CDH13: variants seen among roughly 807,000 people sequenced by gnomAD.
CDH13 encodes cadherin 13.
In CDH13, 24 loss-of-function variants were observed where a neutral mutation model predicts 63.8. The observed-to-expected ratio is 0.38, with a 90% CI of 0.27 to 0.53. CDH13 has a LOEUF of 0.53. Among genes scored for constraint, CDH13 ranks in the 20% least tolerant of loss-of-function variants. The probability of loss-of-function intolerance (pLI) is 0.85; values close to 1 mark genes in which losing one functional copy is unlikely to be tolerated. For synonymous variants in CDH13, 503 were observed against 355.3 expected (o/e 1.42, Z -4.67); for missense variants, 1,049 against 903.1 (o/e 1.16, Z -2.07).
At chr16:82,792,347 T>C (rs2036352813) in intron 1 of CDH13, among the ~76,000 whole-genome samples, 2 of 152,166 alleles carry the variant, frequency 1.3e-5, no homozygotes, top group Non-Finnish European at 2.9e-5. Flanking sequence ...CACACTAGCC[T>C]ACTATTTGAT....
chr16:82,719,961 T>A (rs943712854), intron 1 of CDH13, among the ~76,000 whole-genome samples: 2 of 152,108 alleles, frequency 1.3e-5, no homozygotes, highest in Admixed American at 6.6e-5. Context: ...AAAGCAATTT[T>A]ACTGTATGCT....
At chr16:82,852,815 G>C (rs184084578) in intron 1 of CDH13, among the ~76,000 whole-genome samples, 8 of 152,178 alleles carry the variant, frequency 5.3e-5, no homozygotes, top group Non-Finnish European at 1.0e-4. Flanking sequence ...CTTGATGACA[G>C]ACTTCTCTGG....
chr16:83,439,790 C>T (rs2072430310), intron 6 of CDH13, among the ~76,000 whole-genome samples: 1 of 152,198 alleles, frequency 6.6e-6, no homozygotes, highest in Non-Finnish European at 1.5e-5. Context: ...TGTCCCAGGC[C>T]AGCTCCTGGA....
At chr16:83,544,251 G>A (rs1008381408) in intron 7 of CDH13, among the ~76,000 whole-genome samples, 3 of 152,134 alleles carry the variant, frequency 2.0e-5, no homozygotes, top group African/African-American at 7.2e-5. Context: ...GAGTGTTAAA[G>A]TCCTAAATAA....
chr16:82,680,573 CTGAG>C (rs879414612), intron 1 of CDH13, among the ~76,000 whole-genome samples: 9 of 152,132 alleles, frequency 5.9e-5, no homozygotes, highest in Non-Finnish European at 1.2e-4. Context: ...GCTTCAGTGA[CTGAG>C]TGAGACATAA....
chr16:83,169,390 T>C (rs1321489710), intron 4 of CDH13, among the ~76,000 whole-genome samples: 1 of 152,026 alleles, frequency 6.6e-6, no homozygotes, highest in Admixed American at 6.6e-5. Flanking sequence ...TTGGCCAGGA[T>C]TGTCTTGATG....
chr16:83,648,928 G>T lies in CDH13; in HGVS notation c.1102-21862G>T, dbSNP rs1912097122. On this transcript the variant is annotated intron_variant, in intron 8 of 13. Coordinates refer to ENST00000567109, the MANE Select transcript of CDH13 (RefSeq NM_001257.5). ...CTTCTTTTTCTGCACTCTATCCCCA[G>T]CTCTCTAGCTTCCCCGCAACACACA... 2.6e-5 allele frequency among the ~76,000 whole-genome samples: 4 copies of T among 151,950 alleles called. No homozygotes were observed. In the South Asian group the frequency reaches 8.3e-4, roughly 32 times the overall value.
intron 6 of CDH13, among the ~76,000 whole-genome samples, chr16:83,453,594 A>G (rs2072940081): frequency 1.3e-5 from 2 of 152,264 alleles, no homozygotes; most frequent in South Asian, 4.2e-4. Flanking sequence ...GGACGGAGTC[A>G]GGGCTGGGGA....
At chr16:83,005,202 G>A (rs137938280) in intron 2 of CDH13, among the ~76,000 whole-genome samples, 3 of 152,206 alleles carry the variant, frequency 2.0e-5, no homozygotes, top group Admixed American at 6.5e-5. Flanking sequence ...GGCTTTAACC[G>A]GTGGCTCTAC....
intron 7 of CDH13, among the ~76,000 whole-genome samples, chr16:83,536,231 G>T (rs1328759335): frequency 6.6e-6 from 1 of 152,218 alleles, no homozygotes; most frequent in Non-Finnish European, 1.5e-5. Context: ...TCTTCATAGA[G>T]CTTACAATGT....
intron 1 of CDH13, among the ~76,000 whole-genome samples, chr16:82,691,344 A>G (rs1359351682): frequency 6.6e-6 from 1 of 152,214 alleles, no homozygotes; most frequent in African/African-American, 2.4e-5. Context: ...AGCAGCTTGC[A>G]TAGCCTGAGC....
intron 2 of CDH13, among the ~76,000 whole-genome samples, chr16:82,950,839 G>A (rs113883639): frequency 1.4e-5 from 2 of 143,256 alleles, no homozygotes; most frequent in Non-Finnish European, 3.0e-5. Flanking sequence ...GGTGGTTGGC[G>A]AGGACAGTGA....
chr16:83,222,075 T>G (rs1409721292), intron 5 of CDH13, among the ~76,000 whole-genome samples: 1 of 152,192 alleles, frequency 6.6e-6, no homozygotes, highest in Non-Finnish European at 1.5e-5. Context: ...TCTCATCTCA[T>G]CTTCATAAAG....
intron 2 of CDH13, among the ~76,000 whole-genome samples, chr16:83,019,375 G>T (rs977554089): frequency 1.3e-5 from 2 of 151,772 alleles, no homozygotes; most frequent in East Asian, 3.9e-4. Context: ...TCCACATTTT[G>T]TCTCACTGAA....
chr16:83,136,261 A>G (rs530740616), intron 4 of CDH13, among the ~76,000 whole-genome samples: 20 of 152,010 alleles, frequency 1.3e-4, no homozygotes, highest in African/African-American at 4.8e-4. Flanking sequence ...AGGCAGGCGG[A>G]TCATGAGGTC....
intron 4 of CDH13, among the ~76,000 whole-genome samples, chr16:83,159,457 A>G (rs1437893535): frequency 6.6e-6 from 1 of 152,206 alleles, no homozygotes; most frequent in Non-Finnish European, 1.5e-5. Flanking sequence ...TGTGGCGTTT[A>G]TTCTTTTGTA....
At chr16:83,231,123 C>T (rs1373680103) in intron 5 of CDH13, among the ~76,000 whole-genome samples, 2 of 152,224 alleles carry the variant, frequency 1.3e-5, no homozygotes, top group African/African-American at 4.8e-5. Context: ...AATAAGGTCA[C>T]ATTCTAGATA....
At chr16:83,148,943 T>C (rs1355475286) in intron 4 of CDH13, among the ~76,000 whole-genome samples, 1 of 152,168 alleles carries the variant, frequency 6.6e-6, no homozygotes, top group African/African-American at 2.4e-5. Context: ...TTATCTTAAA[T>C]TAAGGTAATT....
chr16:83,125,536 T>G, intron 4 of CDH13, 35 bp downstream of exon 4: 2 of 1,173,604 alleles, frequency 1.7e-6, no homozygotes, highest in Non-Finnish European at 2.6e-6. Flanking sequence ...CAAAAACATG[T>G]TTTTATGAAA....
Sources: gnomAD v4.1 joint callset for allele counts (sites outside exome capture counted in the v4.1 genomes callset) on GRCh38, gnomAD v4.1.1 for gene constraint, MANE v1.5 for transcripts, NCBI Gene and HGNC (gene_info 2026-07-23, HGNC 2026-07-21) for gene names.